The following RBFOX1 variants were observed in gnomAD, a reference collection of about 807,000 sequenced individuals.
RBFOX1 encodes the protein RNA binding fox-1 homolog 1.
In RBFOX1, 8 loss-of-function variants were observed where a neutral mutation model predicts 57.7. The ratio of observed to expected loss-of-function variants is 0.14; its 90% confidence interval spans 0.08 to 0.25. RBFOX1 has a LOEUF of 0.25. Among genes scored for constraint, RBFOX1 ranks in the 10% least tolerant of loss-of-function variants. RBFOX1 has a pLI of 1.00. For missense variants in RBFOX1, 611 were observed against 548.5 expected, an observed-to-expected ratio of 1.11 and a Z score of -1.14; for synonymous variants, 326 against 222.4, an observed-to-expected ratio of 1.47 and a Z score of -4.15.
chr16:5,352,580 G>A (rs1328466657), intron 1 of RBFOX1, among the ~76,000 whole-genome samples: 1 of 152,050 alleles, frequency 6.6e-6, no homozygotes, highest in African/African-American at 2.4e-5. Context: ...ATCACGTATG[G>A]CCTAAGATCA....
At chr16:5,899,684 G>A (rs2152176914) in intron 4 of RBFOX1, among the ~76,000 whole-genome samples, 1 of 152,268 alleles carries the variant, frequency 6.6e-6, no homozygotes, top group East Asian at 1.9e-4. Context: ...TGGAGAGTCT[G>A]GTTTAAAACA....
chr16:6,906,612 G>T lies in RBFOX1; in HGVS notation c.-15-145445G>T, dbSNP rs960015336. Among the ~76,000 whole-genome samples the T allele has an allele frequency of 2.6e-5, 4 of 152,230 alleles. No individual in the cohort carries two copies. In the South Asian group the frequency reaches 6.2e-4, roughly 24 times the overall value. ...TAGTGTTTCCAGTAAATCCTGATAG[G>T]TTTGGATTTCCTTGAGGACAGGAAC... is the stretch of plus-strand genomic sequence containing the variant. On this transcript the variant is annotated intron_variant, in intron 3 of 15. Coordinates refer to ENST00000550418, the MANE Select transcript of RBFOX1 (RefSeq NM_018723.4).
At chr16:5,421,150 G>T (rs1383291450) in intron 1 of RBFOX1, among the ~76,000 whole-genome samples, 1 of 151,716 alleles carries the variant, frequency 6.6e-6, no homozygotes, top group Non-Finnish European at 1.5e-5. Flanking sequence ...GGGACAACAG[G>T]CATGGGCCAC....
intron 1 of RBFOX1, among the ~76,000 whole-genome samples, chr16:5,459,872 C>T (rs2068738668): frequency 6.6e-6 from 1 of 152,140 alleles, no homozygotes; most frequent in Non-Finnish European, 1.5e-5. Flanking sequence ...GAGTCTCTCT[C>T]CTTCTCTTCA....
intron 2 of RBFOX1, among the ~76,000 whole-genome samples, chr16:6,535,500 T>A (rs542553503): frequency 1.3e-5 from 2 of 152,338 alleles, no homozygotes; most frequent in South Asian, 4.1e-4. Context: ...TTCACTCCCA[T>A]TCCCTATAAA....
At chr16:7,407,194 T>A (rs1448484084) in intron 4 of RBFOX1, among the ~76,000 whole-genome samples, 2 of 152,140 alleles carry the variant, frequency 1.3e-5, no homozygotes, top group Non-Finnish European at 2.9e-5. Context: ...TGATTTGTAG[T>A]CTTTGAATCA....
intron 2 of RBFOX1, among the ~76,000 whole-genome samples, chr16:6,458,011 GA>G (rs3066910): frequency 6.7e-6 from 1 of 150,126 alleles, no homozygotes; most frequent in African/African-American, 2.5e-5. Context: ...TCTCAAAACT[GA>G]AAAAAAAAAG....
At chr16:5,733,543 C>A (rs985297038) in intron 3 of RBFOX1, among the ~76,000 whole-genome samples, 1 of 152,156 alleles carries the variant, frequency 6.6e-6, no homozygotes, top group Non-Finnish European at 1.5e-5. Context: ...TTGGCCAGGT[C>A]AGCTGGGCAA....
At chr16:6,391,191 C>T (rs574396239) in intron 2 of RBFOX1, among the ~76,000 whole-genome samples, 5 of 152,266 alleles carry the variant, frequency 3.3e-5, no homozygotes, top group African/African-American at 1.2e-4. Context: ...CCATGGAAAG[C>T]CACTGAAAGT....
chr16:7,025,887 T>C (rs2040769838), intron 3 of RBFOX1, among the ~76,000 whole-genome samples: 1 of 152,036 alleles, frequency 6.6e-6, no homozygotes, highest in Non-Finnish European at 1.5e-5. Context: ...TGCTTAATAG[T>C]ACAGGCCTGG....
chr16:6,309,059 G>T (rs936242721), intron 1 of RBFOX1, among the ~76,000 whole-genome samples: 2 of 152,034 alleles, frequency 1.3e-5, no homozygotes, highest in Non-Finnish European at 2.9e-5. Context: ...TATGGAGATT[G>T]AAATAATCAG....
At chr16:6,379,877 A>T (rs1050920052) in intron 2 of RBFOX1, among the ~76,000 whole-genome samples, 3 of 152,050 alleles carry the variant, frequency 2.0e-5, no homozygotes, top group Non-Finnish European at 4.4e-5. Flanking sequence ...GGTTCATGGG[A>T]TGGGAGGCAT....
chr16:6,648,233 A>T (rs926219702), intron 2 of RBFOX1, among the ~76,000 whole-genome samples: 6 of 149,894 alleles, frequency 4.0e-5, no homozygotes, highest in Non-Finnish European at 8.9e-5. Context: ...CTTTATTATT[A>T]TTTTTTTTGT....
intron 4 of RBFOX1, among the ~76,000 whole-genome samples, chr16:7,497,544 A>C (rs2069089015): frequency 6.6e-6 from 1 of 152,170 alleles, no homozygotes; most frequent in Non-Finnish European, 1.5e-5. Flanking sequence ...GCATGAGAGC[A>C]GGACTATTTT....
At chr16:7,688,328 G>C (rs2076567930) in intron 14 of RBFOX1, among the ~76,000 whole-genome samples, 1 of 151,784 alleles carries the variant, frequency 6.6e-6, no homozygotes, top group Non-Finnish European at 1.5e-5. Context: ...CTTGCTATGA[G>C]TGATATCGAT....
chr16:7,388,770 G>T (rs186406203), intron 4 of RBFOX1, among the ~76,000 whole-genome samples: 102 of 147,300 alleles, frequency 6.9e-4, no homozygotes, highest in Non-Finnish European at 1.2e-3. Context: ...TTAGCTTTGT[G>T]TTAGATGAGT....
intron 3 of RBFOX1, among the ~76,000 whole-genome samples, chr16:6,991,605 C>G (rs554693315): frequency 1.3e-5 from 2 of 152,248 alleles, no homozygotes; most frequent in Admixed American, 1.3e-4. Flanking sequence ...GGTGCAATCT[C>G]AGCTCACTGC....
intron 4 of RBFOX1, among the ~76,000 whole-genome samples, chr16:5,954,315 C>T (rs1023747957): frequency 2.0e-5 from 3 of 152,182 alleles, no homozygotes; most frequent in African/African-American, 7.2e-5. Flanking sequence ...GAGCATCCTC[C>T]TGTCTAACTC....
At chr16:6,639,084 A>G (rs1157392953) in intron 2 of RBFOX1, among the ~76,000 whole-genome samples, 2 of 152,202 alleles carry the variant, frequency 1.3e-5, no homozygotes, top group Non-Finnish European at 2.9e-5. Flanking sequence ...CACTCAGAGC[A>G]GCAGCCATTT....
Sources: gnomAD v4.1 joint callset for allele counts (sites outside exome capture counted in the v4.1 genomes callset) on GRCh38, gnomAD v4.1.1 for gene constraint, MANE v1.5 for transcripts, NCBI Gene and HGNC (gene_info 2026-07-23, HGNC 2026-07-21) for gene names.